WDR3: variants seen among roughly 807,000 people sequenced by gnomAD.
WDR3 encodes the protein WD repeat domain 3.
A neutral mutation model predicts 123.7 loss-of-function variants in WDR3; 81 were observed. The ratio of observed to expected loss-of-function variants is 0.65; its 90% CI spans 0.55 to 0.79. WDR3 has a LOEUF of 0.79. Among genes scored for constraint, WDR3 ranks in the 30% least tolerant of loss-of-function variants. The probability of loss-of-function intolerance (pLI) is 0.00; values close to 1 mark genes in which losing one functional copy is unlikely to be tolerated. For synonymous variants in WDR3, 390 were observed against 388.8 expected, an observed-to-expected ratio of 1.00 and a Z score of -0.04; for missense variants, 1,027 against 1,123.2, an observed-to-expected ratio of 0.91 and a Z score of 1.22.
chr1:117,955,114 T>C, intron 23 of WDR3: 1 of 473,444 alleles, frequency 2.1e-6, no homozygotes, highest in Non-Finnish European at 3.7e-6. Context: ...CTGGCTTGAC[T>C]TGTAGCATAG....
Position 117,957,101 on chromosome 1 carries a change from C to A in WDR3, c.2487C>A (p.Phe829Leu). The A allele has an allele frequency of 6.2e-7, 1 of 1,604,360 alleles. No individual in the cohort carries two copies. Among genetic ancestry groups the A allele is most frequent in the Non-Finnish European group, 8.5e-7 (1 of 1,175,954 alleles). The change falls in exon 25 of 27, where the codon TTC becomes TTA. Residue 829 changes from phenylalanine to leucine, a missense_variant. Transcript: ENST00000349139. Reference protein sequence around the residue: ...ELEESLLVLPFSYVPDILKLF... With the variant: ...ELEESLLVLPLSYVPDILKLF... ...AAGAATCTCTACTTGTGCTGCCTTT[C>A]TCTTATGTCCCAGACATTCTTAAAC...
intron 3 of WDR3, among the ~76,000 whole-genome samples, chr1:117,935,374 G>A (rs1650878737): frequency 6.6e-6 from 1 of 151,910 alleles, no homozygotes; most frequent in Admixed American, 6.6e-5. Context: ...GGGAAGAAAA[G>A]AATAATAAAA....
Position 117,963,138 on chromosome 1 carries a change from G to A in WDR3, c.*3691G>A, listed in dbSNP as rs1653324058. On this transcript the variant is annotated 3_prime_UTR_variant, in exon 27 of 27. Transcript: ENST00000349139. The stretch of plus-strand genomic sequence containing the variant: ...CAGTACACATTGTGTAACAGTCACT[G>A]AGCCCAACTCTTACATAGGGCCTGG... The A allele has an allele frequency of 6.6e-6, 1 of 152,132 alleles. No homozygotes were observed. Among genetic ancestry groups the A allele is most frequent in the African/African-American group, 2.4e-5 (1 of 41,428 alleles). The allele number at this position is 152,132 out of a possible 1,614,324, so 9.4% of individuals were successfully genotyped here. A position where few individuals can be genotyped will look rare whatever the true frequency, so the allele number is the denominator to read the frequency against.
chr1:117,941,968 C>T, intron 9 of WDR3, 121 bp downstream of exon 9: 1 of 1,411,976 alleles, frequency 7.1e-7, no homozygotes, highest in African/African-American at 1.5e-5. Flanking sequence ...AGTTAAAGAA[C>T]TTGTGAGGTA....
chr1:117,953,916 T>C, intron 21 of WDR3, 91 bp from the exon 22 acceptor site: 1 of 1,055,220 alleles, frequency 9.5e-7, no homozygotes, highest in Non-Finnish European at 1.4e-6. Flanking sequence ...GCTATTTCAT[T>C]TGGCAAATTT....
intron 7 of WDR3, 61 bp from the exon 8 acceptor site, chr1:117,941,063 T>A (rs1651154779): frequency 3.8e-6 from 6 of 1,599,516 alleles, no homozygotes; most frequent in Non-Finnish European, 4.3e-6. Context: ...AGAATTATGT[T>A]TTTTTCAGAA....
Position 117,934,633 on chromosome 1 carries a change from C to A in WDR3, c.332C>A (p.Thr111Asn), listed in dbSNP as rs776224353. 6.2e-7 allele frequency: 1 copy of A among 1,614,010 alleles called. No homozygotes were observed. The highest frequency in any genetic ancestry group is 2.2e-5 in the East Asian group (1 of 44,882). ...VTFNGHKAAI[T>N]TLKYDQLGGR... ...TTCAATGGTCACAAAGCAGCTATCA[C>A]TACCTTGAAGTATGATCAGCTAGGA... Residue 111 changes from threonine to asparagine, a missense_variant, in exon 3 of 27, where the codon ACT becomes AAT. Thr to Asn is a moderately conservative substitution (Grantham distance 65). Coordinates refer to ENST00000349139, the MANE Select transcript of WDR3 (RefSeq NM_006784.3).
rs547192490 is a variant in WDR3 at position 117,950,709 on chromosome 1, T to C, written c.1747-125T>C. The C allele has an allele frequency of 1.0e-3, 821 of 815,790 alleles. 1 individual carries two copies. Among genetic ancestry groups the C allele is most frequent in the Non-Finnish European group, 1.2e-3 (628 of 510,928 alleles). The allele number at this position is 815,790 out of a possible 1,614,324, so 50.5% of individuals were successfully genotyped here. A position where few individuals can be genotyped will look rare whatever the true frequency, so the allele number is the denominator to read the frequency against. ...TCCTGCCAAGCTGTCTTTTGTGGGTTGTCTTTGAAAATACAGATATAAAGC... is the reference window on the plus strand; with the variant it reads ...TCCTGCCAAGCTGTCTTTTGTGGGTCGTCTTTGAAAATACAGATATAAAGC... On this transcript the variant is annotated intron_variant, in intron 15 of 26. Coordinates refer to ENST00000349139, the MANE Select transcript of WDR3 (RefSeq NM_006784.3).
chr1:117,964,189 C>T lies in WDR3; in HGVS notation c.*4742C>T, dbSNP rs548217648. ...ACTGTGACTGGCTTTCTATAAGGAG[C>T]CATCAGTATGGTCAAGCCCCAAACC... is the stretch of plus-strand genomic sequence containing the variant. On this transcript the variant is annotated 3_prime_UTR_variant, in exon 27 of 27. Transcript: ENST00000349139. The T allele has an allele frequency of 5.2e-5, 17 of 328,908 alleles. No individual in the cohort carries two copies. Among genetic ancestry groups the T allele is most frequent in the Middle Eastern group, 9.0e-4 (1 of 1,108 alleles). The allele number at this position is 328,908 out of a possible 1,614,324, so 20.4% of individuals were successfully genotyped here. A position where few individuals can be genotyped will look rare whatever the true frequency, so the allele number is the denominator to read the frequency against.
intron 5 of WDR3, 128 bp from the exon 6 acceptor site, chr1:117,939,349 A>T (rs1651060798): frequency 3.4e-6 from 3 of 890,792 alleles, no homozygotes; most frequent in African/African-American, 3.4e-5. Flanking sequence ...AGGGTTGTCG[A>T]TATGCCTTTT....
rs551526461 is a variant in WDR3, at chr1:117,951,064, T to C, written c.1803+174T>C. 2.6e-5 allele frequency among the ~76,000 whole-genome samples: 4 copies of C among 152,134 alleles called. No individual in the cohort carries two copies. The South Asian group carries it at 8.3e-4, about 32-fold the overall frequency. On this transcript the variant is annotated intron_variant, in intron 16 of 26. Transcript: ENST00000349139. ...ATATATTGTATCTTATATATATTAC[T>C]TTAATGTTTTCAGAATAATTTTGCA...
At chr1:117,930,601 C>G (rs1043532418) in intron 1 of WDR3, among the ~76,000 whole-genome samples, 17 of 152,022 alleles carry the variant, frequency 1.1e-4, no homozygotes, top group Admixed American at 1.0e-3. Context: ...AGTATTATGA[C>G]GTTTAAATGA....
At position 117,934,471 on chromosome 1, in the gene WDR3, A is replaced by G; in HGVS notation, c.172-2A>G. ...CATTGTTTTTAATTTTTATGATTTC[A>G]GATTCTTATCCTTCAGGGGCTTAAA... On this transcript the variant is annotated splice_acceptor_variant, in intron 2 of 26. Transcript: ENST00000349139. LOFTEE classifies it high-confidence loss of function. 1 of 1,613,368 alleles carries G rather than the reference A, an allele frequency of 6.2e-7. No homozygotes were observed. The highest frequency in any genetic ancestry group is 8.5e-7 in the Non-Finnish European group (1 of 1,179,788).
At chr1:117,943,331 T>C (rs1189305713) in intron 10 of WDR3, 65 bp from the exon 11 acceptor site, 3 of 1,389,844 alleles carry the variant, frequency 2.2e-6, no homozygotes, top group Non-Finnish European at 2.0e-6. Context: ...AGCCTTTTCC[T>C]GGAAAAAGTA....
At chr1:117,932,732 T>A (rs1158888323) in intron 1 of WDR3, among the ~76,000 whole-genome samples, 1 of 152,162 alleles carries the variant, frequency 6.6e-6, no homozygotes, top group South Asian at 2.1e-4. Flanking sequence ...ATGTCAGATA[T>A]GCATGAGGTG....
At position 117,933,302 on chromosome 1, in the gene WDR3, G is replaced by A; in HGVS notation, c.-18G>A. 6.2e-7 allele frequency: 1 copy of A among 1,613,046 alleles called. No homozygotes were observed. The highest frequency in any genetic ancestry group is 8.5e-7 in the Non-Finnish European group (1 of 1,179,182). On this transcript the variant is annotated 5_prime_UTR_variant, in exon 2 of 27. Coordinates refer to ENST00000349139, the MANE Select transcript of WDR3 (RefSeq NM_006784.3). ...TATATGCACAGATTGCTTCACCTGTGGTATCAGACATCACAACATGGGGCT... is the reference window on the plus strand; with the variant it reads ...TATATGCACAGATTGCTTCACCTGTAGTATCAGACATCACAACATGGGGCT...
At chr1:117,957,267 G>C in intron 25 of WDR3, 71 bp downstream of exon 25, 2 of 1,503,060 alleles carry the variant, frequency 1.3e-6, no homozygotes, top group South Asian at 2.7e-5. Flanking sequence ...AACTGAAGCT[G>C]TCAACACTTT....
rs1557816595 is a variant in WDR3, at chr1:117,934,564, CGATCCGAATCTT to C, written c.264_275del (p.Ile89_Phe92del). On this transcript the variant is annotated inframe_deletion, in exon 3 of 27. Coordinates refer to ENST00000349139, the MANE Select transcript of WDR3 (RefSeq NM_006784.3). ...TTAGCTGTTGGGTATGAGGATGGGT[CGATCCGAATCTT>C]CAGTCTCCTGAGTGGGGAAGGAAAT... The C allele has an allele frequency of 6.2e-7, 1 of 1,614,120 alleles. No homozygotes were observed. Among genetic ancestry groups the C allele is most frequent in the East Asian group, 2.2e-5 (1 of 44,878 alleles).
chr1:117,933,119 G>T (rs927509521), intron 1 of WDR3, among the ~76,000 whole-genome samples, 169 bp from the exon 2 acceptor site: 6 of 151,792 alleles, frequency 4.0e-5, no homozygotes, highest in African/African-American at 1.5e-4. Context: ...CAGGAGAATC[G>T]CTTGAACCTA....
Sources: gnomAD v4.1 joint callset for allele counts (sites outside exome capture counted in the v4.1 genomes callset) on GRCh38, gnomAD v4.1.1 for gene constraint, MANE v1.5 for transcripts, NCBI Gene and HGNC (gene_info 2026-07-23, HGNC 2026-07-21) for gene names.